The following LHFPL6 variants were observed in gnomAD, a reference collection of about 807,000 sequenced individuals.
LHFPL6 encodes LHFPL tetraspan subfamily member 6 protein.
In LHFPL6, 9 loss-of-function variants were observed where a neutral mutation model predicts 20.6. That is an observed-to-expected ratio of 0.44 (90% CI 0.26 to 0.76). The LOEUF is 0.76. Among genes scored for constraint, LHFPL6 ranks in the 30% least tolerant of loss-of-function variants. LHFPL6 has a pLI of 0.20. For missense variants in LHFPL6, 218 were observed against 253.5 expected (o/e 0.86, Z 0.95); for synonymous variants, 105 against 98.7 (o/e 1.06, Z -0.38).
intron 2 of LHFPL6, among the ~76,000 whole-genome samples, chr13:39,510,672 C>G (rs906571113): frequency 1.3e-5 from 2 of 152,016 alleles, no homozygotes; most frequent in Admixed American, 6.6e-5. Context: ...AATGGAGAAG[C>G]AGGTAGAAAG....
intron 2 of LHFPL6, among the ~76,000 whole-genome samples, chr13:39,401,841 A>C (rs979998258): frequency 6.6e-6 from 1 of 152,210 alleles, no homozygotes; most frequent in Non-Finnish European, 1.5e-5. Flanking sequence ...TAACCCTGTC[A>C]TCTCAACAAT....
At chr13:39,370,481 G>T (rs945096668) in intron 3 of LHFPL6, among the ~76,000 whole-genome samples, 3 of 152,144 alleles carry the variant, frequency 2.0e-5, no homozygotes, top group African/African-American at 7.2e-5. Context: ...CCTTAAATTT[G>T]CCTACATTTC....
At chr13:39,559,905 T>C (rs1351687379) in intron 2 of LHFPL6, among the ~76,000 whole-genome samples, 1 of 152,240 alleles carries the variant, frequency 6.6e-6, no homozygotes, top group Admixed American at 6.5e-5. Flanking sequence ...TTTGTCTTTT[T>C]TTATTTTTAA....
At chr13:39,450,057 T>A (rs1872400128) in intron 2 of LHFPL6, among the ~76,000 whole-genome samples, 1 of 152,204 alleles carries the variant, frequency 6.6e-6, no homozygotes. Context: ...GAGAAACTCA[T>A]ACACCATCAA....
chr13:39,542,284 C>T (rs563273273), intron 2 of LHFPL6, among the ~76,000 whole-genome samples: 1 of 151,896 alleles, frequency 6.6e-6, no homozygotes, highest in South Asian at 2.1e-4. Context: ...ATGTATTGAG[C>T]TGTGGAAAAA....
chr13:39,545,314 G>A (rs1870947092), intron 2 of LHFPL6, among the ~76,000 whole-genome samples: 1 of 151,574 alleles, frequency 6.6e-6, no homozygotes, highest in Admixed American at 6.6e-5. Flanking sequence ...AAGTGCAGAG[G>A]GAAGGAATCC....
chr13:39,595,138 T>A (rs961900602), intron 2 of LHFPL6, among the ~76,000 whole-genome samples: 2 of 152,056 alleles, frequency 1.3e-5, no homozygotes, highest in East Asian at 3.9e-4. Flanking sequence ...AATAAATAAA[T>A]AAAAATAAAA....
chr13:39,553,117 T>C (rs980343956), intron 2 of LHFPL6, among the ~76,000 whole-genome samples: 1 of 152,180 alleles, frequency 6.6e-6, no homozygotes, highest in South Asian at 2.1e-4. Context: ...AAAATTGAAA[T>C]ATGTCAATAC....
intron 2 of LHFPL6, among the ~76,000 whole-genome samples, chr13:39,541,891 C>A (rs911246224): frequency 6.6e-6 from 1 of 151,530 alleles, no homozygotes; most frequent in African/African-American, 2.4e-5. Flanking sequence ...AGATCGAGAC[C>A]ATCCTGGCTA....
chr13:39,373,838 C>T (rs1870220705), intron 3 of LHFPL6, among the ~76,000 whole-genome samples: 1 of 152,226 alleles, frequency 6.6e-6, no homozygotes. Flanking sequence ...CCTTTCACAC[C>T]AGTCAGAATG....
chr13:39,356,472 T>C (rs1869730813), intron 3 of LHFPL6, among the ~76,000 whole-genome samples: 1 of 151,964 alleles, frequency 6.6e-6, no homozygotes, highest in South Asian at 2.1e-4. Flanking sequence ...AAAGAAAAAC[T>C]AGAAAAAACT....
intron 3 of LHFPL6, among the ~76,000 whole-genome samples, chr13:39,350,113 A>G (rs1448808791): frequency 6.6e-6 from 1 of 152,224 alleles, no homozygotes; most frequent in Non-Finnish European, 1.5e-5. Context: ...CAATACAGAC[A>G]GAGTCTTTGG....
intron 2 of LHFPL6, among the ~76,000 whole-genome samples, chr13:39,410,978 G>A (rs962188001): frequency 4.6e-5 from 7 of 152,030 alleles, no homozygotes; most frequent in East Asian, 1.9e-4. Context: ...ATAAATAAGC[G>A]GTTTATTATA....
At chr13:39,456,221 C>G (rs1872565435) in intron 2 of LHFPL6, among the ~76,000 whole-genome samples, 1 of 152,174 alleles carries the variant, frequency 6.6e-6, no homozygotes, top group South Asian at 2.1e-4. Context: ...AAAATTGACT[C>G]TTTTGGAGAT....
chr13:39,562,521 C>G lies in LHFPL6; in HGVS notation c.385+38311G>C, dbSNP rs1181236394. Reference sequence around the variant, plus strand: ...ACATATATACATATATACATATATACACATATACACATATATACACATATA... The same window carrying G: ...ACATATATACATATATACATATATAGACATATACACATATATACACATATA... On this transcript the variant is annotated intron_variant, in intron 2 of 3. Coordinates refer to ENST00000379589, the MANE Select transcript of LHFPL6 (RefSeq NM_005780.3). Among the ~76,000 whole-genome samples the G allele has an allele frequency of 3.8e-5, 5 of 131,298 alleles. No homozygotes were observed. The South Asian group carries it at 6.9e-4, about 18-fold the overall frequency. 86.1% of individuals were successfully genotyped at this position (131,298 alleles called of 152,430 possible). A position where few individuals can be genotyped will look rare whatever the true frequency, so the allele number is the denominator to read the frequency against.
intron 2 of LHFPL6, among the ~76,000 whole-genome samples, chr13:39,386,779 T>C (rs144868876): frequency 3.3e-5 from 5 of 152,360 alleles, no homozygotes; most frequent in African/African-American, 1.2e-4. Flanking sequence ...CTGGGTGCCC[T>C]GGCCAGACTC....
At chr13:39,386,400 A>G (rs1870564621) in intron 2 of LHFPL6, among the ~76,000 whole-genome samples, 1 of 152,182 alleles carries the variant, frequency 6.6e-6, no homozygotes, top group African/African-American at 2.4e-5. Context: ...GCTTGGTTGC[A>G]TTCTAGTAAA....
intron 3 of LHFPL6, among the ~76,000 whole-genome samples, chr13:39,368,798 A>G (rs2138351440): frequency 6.6e-6 from 1 of 152,336 alleles, no homozygotes; most frequent in Admixed American, 6.5e-5. Flanking sequence ...AAAACCAGAA[A>G]GAACAAAAAA....
chr13:39,410,931 T>C (rs1871229830), intron 2 of LHFPL6, among the ~76,000 whole-genome samples: 1 of 152,238 alleles, frequency 6.6e-6, no homozygotes, highest in Non-Finnish European at 1.5e-5. Flanking sequence ...CAACATTCCA[T>C]ATTTCAAGCA....
Sources: gnomAD v4.1 joint callset for allele counts (sites outside exome capture counted in the v4.1 genomes callset) on GRCh38, gnomAD v4.1.1 for gene constraint, MANE v1.5 for transcripts, NCBI Gene and HGNC (gene_info 2026-07-23, HGNC 2026-07-21) for gene names.